SLFN12L: variants seen among roughly 807,000 people sequenced by gnomAD.
The protein encoded by SLFN12L is schlafen family member 12 like.
Under a neutral mutation model 34.8 loss-of-function variants are expected in SLFN12L, and 34 were observed. The ratio of observed to expected loss-of-function variants is 0.98; its 90% CI spans 0.74 to 1.30. SLFN12L has a LOEUF of 1.30. SLFN12L is among the 50% of genes most tolerant of loss of function. The pLI is 0.00. For synonymous variants in SLFN12L, 259 were observed against 247.5 expected, an observed-to-expected ratio of 1.05 and a Z score of -0.44; for missense variants, 703 against 696.2, an observed-to-expected ratio of 1.01 and a Z score of -0.11.
intron 1 of SLFN12L, among the ~76,000 whole-genome samples, chr17:35,527,940 A>G (rs995240884): frequency 9.9e-5 from 15 of 152,212 alleles, no homozygotes; most frequent in African/African-American, 3.4e-4. Context: ...ACATGATTGT[A>G]TATTTAGAAA....
intron 2 of SLFN12L, among the ~76,000 whole-genome samples, chr17:35,520,764 T>G (rs1052200564): frequency 6.6e-6 from 1 of 151,888 alleles, no homozygotes; most frequent in Non-Finnish European, 1.5e-5. Flanking sequence ...AAAAGTTGTC[T>G]CTACTAAAAA....
At position 35,464,787 on chromosome 17, in the gene SLFN12L, C is replaced by T. The variant is rs1297040063; in HGVS notation, c.*10136G>A. The T allele has an allele frequency of 6.6e-6, 1 of 152,138 alleles. No homozygotes were observed. The highest frequency in any genetic ancestry group is 1.9e-4 in the East Asian group (1 of 5,204). 9.4% of individuals were successfully genotyped at this position (152,138 alleles called of 1,614,324 possible). On this transcript the variant is annotated 3_prime_UTR_variant, in exon 5 of 5. Coordinates refer to ENST00000628453, the MANE Select transcript of SLFN12L (RefSeq NM_001363830.2). Reference sequence around the variant, plus strand: ...TCCATAATTTCACCCAATTGGAAATCGAAAATTTGTATACCAAAGAATTTA... The same window carrying T: ...TCCATAATTTCACCCAATTGGAAATTGAAAATTTGTATACCAAAGAATTTA...
intron 2 of SLFN12L, among the ~76,000 whole-genome samples, chr17:35,503,860 G>A (rs1374458575): frequency 6.6e-6 from 1 of 151,920 alleles, no homozygotes; most frequent in Non-Finnish European, 1.5e-5. Flanking sequence ...ACCTTGTGCT[G>A]CTATCCACCG....
At position 35,469,289 on chromosome 17, in the gene SLFN12L, A is replaced by AAT. The variant is rs1286616849; in HGVS notation, c.*5632_*5633dup. On this transcript the variant is annotated 3_prime_UTR_variant, in exon 5 of 5. Transcript: ENST00000628453. Reference sequence around the variant, plus strand: ...TGACTGCAGGACCTGTTTTATATAAAATATATATATATAAAATATATATAT... The same window carrying AAT: ...TGACTGCAGGACCTGTTTTATATAAAATATATATATATATAAAATATATATAT... Among the ~76,000 whole-genome samples the AAT allele has an allele frequency of 8.6e-5, 12 of 138,954 alleles. No homozygotes were observed. The highest frequency in any genetic ancestry group is 2.2e-4 in the Admixed American group (3 of 13,628). The allele number at this position is 138,954 out of a possible 152,430, so 91.2% of individuals were successfully genotyped here. A position where few individuals can be genotyped will look rare whatever the true frequency, so the allele number is the denominator to read the frequency against.
chr17:35,499,200 C>A, intron 2 of SLFN12L: 1 of 941,692 alleles, frequency 1.1e-6, no homozygotes, highest in Non-Finnish European at 1.6e-6. Flanking sequence ...GTTTTTTCTT[C>A]CCTGCACCTG....
chr17:35,494,889 T>TTTTATTTATTTA (rs3087173), intron 2 of SLFN12L, among the ~76,000 whole-genome samples: 96 of 146,932 alleles, frequency 6.5e-4, no homozygotes, highest in African/African-American at 2.1e-3. Flanking sequence ...AATTTATTTA[T>TTTTATTTATTTA]TTTATTTATT....
chr17:35,469,114 C>A lies in SLFN12L; in HGVS notation c.*5809G>T, dbSNP rs1913759650. Among the ~76,000 whole-genome samples the A allele has an allele frequency of 6.6e-6, 1 of 151,284 alleles. No homozygotes were observed. Among genetic ancestry groups the A allele is most frequent in the South Asian group, 2.1e-4 (1 of 4,782 alleles). On this transcript the variant is annotated 3_prime_UTR_variant, in exon 5 of 5. Transcript: ENST00000628453. ...AACCCACTGGGAAGAGGACCACTAA[C>A]TCCCCAGTGCCTACCCCTACTACCC...
At chr17:35,515,616 G>A (rs991995925) in intron 2 of SLFN12L, among the ~76,000 whole-genome samples, 2 of 147,364 alleles carry the variant, frequency 1.4e-5, no homozygotes, top group East Asian at 2.1e-4. Flanking sequence ...TTGCAGGAGC[G>A]GCCACCACGC....
At position 35,488,024 on chromosome 17, in the gene SLFN12L, T is replaced by C. The variant is rs113658023; in HGVS notation, c.87-7829A>G. On this transcript the variant is annotated intron_variant, in intron 2 of 4. Transcript: ENST00000628453. ...GAGATAGAGACCATCCTGGCTAACA[T>C]GGTGAAAACCCGTCTCTACTAAAAA... Among the ~76,000 whole-genome samples the C allele has an allele frequency of 0.016, 2,400 of 152,074 alleles. 78 individuals are homozygous for C. The East Asian group carries it at 0.16, about 10-fold the overall frequency.
intron 2 of SLFN12L, among the ~76,000 whole-genome samples, chr17:35,485,776 G>A (rs1212164133): frequency 6.6e-6 from 1 of 152,126 alleles, no homozygotes; most frequent in African/African-American, 2.4e-5. Flanking sequence ...TGGTTATTTT[G>A]GTGGACTTTA....
At position 35,522,730 on chromosome 17, in the gene SLFN12L, G is replaced by T. The variant is rs1916035399; in HGVS notation, c.-366C>A. ...CACCAGCTTCTGCTTCAAAGTAAGG[G>T]CAGTGCAAGTGCAGTAGTCCTGGCC... On this transcript the variant is annotated 5_prime_UTR_variant, in exon 2 of 5. Transcript: ENST00000628453. 1 of 1,613,804 alleles carries T rather than the reference G, an allele frequency of 6.2e-7. No homozygotes were observed. The highest frequency in any genetic ancestry group is 8.5e-7 in the Non-Finnish European group (1 of 1,179,850).
intron 2 of SLFN12L, among the ~76,000 whole-genome samples, chr17:35,483,058 C>G (rs1914413357): frequency 6.6e-6 from 1 of 152,168 alleles, no homozygotes; most frequent in African/African-American, 2.4e-5. Flanking sequence ...TGGAACTACC[C>G]TCTCTGCTGA....
chr17:35,526,962 C>T (rs1049372858), intron 1 of SLFN12L, among the ~76,000 whole-genome samples: 4 of 150,724 alleles, frequency 2.7e-5, no homozygotes, highest in African/African-American at 4.9e-5. Context: ...AGACTACTAC[C>T]GAGACTAATA....
rs536347369 is a variant in SLFN12L at position 35,530,444 on chromosome 17, GAAA to G, written c.-606+7126_-606+7128del. ...AAGGAAGGAAGGGAAGGGAAGGGAAGAAAGAAAGAAAGAAAGAAAGAAAGAAAG... is the reference window on the plus strand; with the variant it reads ...AAGGAAGGAAGGGAAGGGAAGGGAAGGAAAGAAAGAAAGAAAGAAAGAAAG... On this transcript the variant is annotated intron_variant, in intron 1 of 4. Coordinates refer to ENST00000628453, the MANE Select transcript of SLFN12L (RefSeq NM_001363830.2). Among the ~76,000 whole-genome samples, 125 of 16,248 alleles carry G rather than the reference GAAA, an allele frequency of 7.7e-3. 7 individuals carry two copies. The highest frequency in any genetic ancestry group is 0.012 in the African/African-American group (69 of 5,756). 10.7% of individuals were successfully genotyped at this position (16,248 alleles called of 152,430 possible).
rs115482169 is a variant in SLFN12L, at chr17:35,473,051, G to A, written c.*1872C>T. On this transcript the variant is annotated 3_prime_UTR_variant, in exon 5 of 5. Coordinates refer to ENST00000628453, the MANE Select transcript of SLFN12L (RefSeq NM_001363830.2). Reference sequence around the variant, plus strand: ...GCTTATCAGCTTAAGGAATTTGGAGGCTGAGATGATGGGATTTTCTAGATA... The same window carrying A: ...GCTTATCAGCTTAAGGAATTTGGAGACTGAGATGATGGGATTTTCTAGATA... 0.02 allele frequency among the ~76,000 whole-genome samples: 3,075 copies of A among 152,208 alleles called. 138 individuals carry two copies. The highest frequency in any genetic ancestry group is 0.18 in the South Asian group (845 of 4,820).
chr17:35,478,024 G>A lies in SLFN12L; in HGVS notation c.1276+51C>T. 2 of 1,126,016 alleles carry A rather than the reference G, an allele frequency of 1.8e-6. 1 individual carries two copies. The highest frequency in any genetic ancestry group is 2.6e-6 in the Non-Finnish European group (2 of 773,358). The allele number at this position is 1,126,016 out of a possible 1,614,324, so 69.8% of individuals were successfully genotyped here. Reference sequence around the variant, plus strand: ...GACAGAGCTGGTTTGAAGAGAAGGAGGTTTGAACACAGTTACACCAACAAC... The same window carrying A: ...GACAGAGCTGGTTTGAAGAGAAGGAAGTTTGAACACAGTTACACCAACAAC... On this transcript the variant is annotated intron_variant, in intron 4 of 4. Coordinates refer to ENST00000628453, the MANE Select transcript of SLFN12L (RefSeq NM_001363830.2).
Position 35,480,077 on chromosome 17 carries a change from T to G in SLFN12L, c.205A>C (p.Asn69His). The G allele has an allele frequency of 6.2e-7, 1 of 1,614,190 alleles. No homozygotes were observed. The highest frequency in any genetic ancestry group is 8.5e-7 in the Non-Finnish European group (1 of 1,180,036). ...TGACAATCCTTCATTTTTTTTCTAT[T>G]GTTCTCTCCAAGAGTGACTCTTCCC... ...NVGRVTLGEN[N>H]RKKMKDCQLR... Residue 69 changes from asparagine (N) to histidine (H), a missense_variant, in exon 3 of 5, where the codon AAT becomes CAT. Coordinates refer to ENST00000628453, the MANE Select transcript of SLFN12L (RefSeq NM_001363830.2).
Position 35,522,452 on chromosome 17 carries a change from C to T in SLFN12L, c.-88G>A. On this transcript the variant is annotated 5_prime_UTR_variant, in exon 2 of 5. Coordinates refer to ENST00000628453, the MANE Select transcript of SLFN12L (RefSeq NM_001363830.2). ...TCTTGTGGAAGCTTCTGGAGAATAT[C>T]TCATACTGCTGGGCTGTGAGCAGAT... 6.2e-7 allele frequency: 1 copy of T among 1,613,956 alleles called. No individual in the cohort carries two copies. The highest frequency in any genetic ancestry group is 1.1e-5 in the South Asian group (1 of 91,068).
chr17:35,474,952 A>C lies in SLFN12L; in HGVS notation c.1810T>G (p.Cys604Gly), dbSNP rs764409235. The change falls in exon 5 of 5, where the codon TGT becomes GGT. Residue 604 changes from cysteine (C) to glycine (G), a missense_variant. Coordinates refer to ENST00000628453, the MANE Select transcript of SLFN12L (RefSeq NM_001363830.2). ...CTCAAGAAAAAACAAACAAACCAAC[A>C]AACAAACAAACAAAAACGAAACAAA... Reference protein sequence around the residue: ...VCLFRFCLFVCWFVCFFLR With the variant: ...VCLFRFCLFVGWFVCFFLR The C allele has an allele frequency of 1.7e-5, 27 of 1,549,522 alleles. No individual in the cohort carries two copies. The highest frequency in any genetic ancestry group is 1.7e-4 in the Middle Eastern group (1 of 5,920).
Sources: gnomAD v4.1 joint callset for allele counts (sites outside exome capture counted in the v4.1 genomes callset) on GRCh38, gnomAD v4.1.1 for gene constraint, MANE v1.5 for transcripts, NCBI Gene and HGNC (gene_info 2026-07-23, HGNC 2026-07-21) for gene names.